The following USH2A variants were observed in gnomAD, a reference collection of about 807,000 sequenced individuals.
The protein encoded by USH2A is usherin.
USH2A carries 443 observed loss-of-function variants against 538.9 expected under a neutral mutation model. The ratio of observed to expected loss-of-function variants is 0.82; its 90% CI spans 0.76 to 0.89. USH2A has a LOEUF of 0.89. Among genes scored for constraint, USH2A ranks in the 40% least tolerant of loss-of-function variants. USH2A has a pLI of 0.00. For synonymous variants in USH2A, 2,413 were observed against 2,273.5 expected, an observed-to-expected ratio of 1.06 and a Z score of -1.75; for missense variants, 6,633 against 6,324.8, an observed-to-expected ratio of 1.05 and a Z score of -1.65.
At chr1:216,152,057 C>A (rs1313597663) in intron 21 of USH2A, among the ~76,000 whole-genome samples, 2 of 152,144 alleles carry the variant, frequency 1.3e-5, no homozygotes, top group Non-Finnish European at 2.9e-5. Context: ...TAATCTCTCC[C>A]ACTCTAGGTT....
intron 50 of USH2A, among the ~76,000 whole-genome samples, chr1:215,792,199 T>C (rs951432811): frequency 2.6e-5 from 4 of 152,166 alleles, no homozygotes; most frequent in Non-Finnish European, 1.5e-5. Context: ...AAACTCCTAA[T>C]CAGTCATCTG....
At chr1:215,785,596 A>T (rs1558097024) in intron 52 of USH2A, among the ~76,000 whole-genome samples, 1 of 152,234 alleles carries the variant, frequency 6.6e-6, no homozygotes, top group Non-Finnish European at 1.5e-5. Context: ...CCAACATGGC[A>T]CATGTATACA....
chr1:216,155,167 C>T (rs542050078), intron 21 of USH2A, among the ~76,000 whole-genome samples: 11 of 152,238 alleles, frequency 7.2e-5, no homozygotes, highest in African/African-American at 2.4e-4. Context: ...CATAGTTTAA[C>T]TTGAAAGCAA....
intron 44 of USH2A, among the ~76,000 whole-genome samples, chr1:215,859,919 G>A (rs1028118756): frequency 2.0e-5 from 3 of 152,178 alleles, no homozygotes; most frequent in African/African-American, 7.2e-5. Context: ...TGGAAGATGA[G>A]GCCTAGTTGG....
chr1:216,403,620 A>G (rs919485397), intron 3 of USH2A, among the ~76,000 whole-genome samples: 1 of 152,184 alleles, frequency 6.6e-6, no homozygotes, highest in Non-Finnish European at 1.5e-5. Context: ...ATTGCTATAT[A>G]CCAACAATAA....
intron 46 of USH2A, among the ~76,000 whole-genome samples, chr1:215,841,642 T>C (rs1663677610): frequency 6.6e-6 from 1 of 152,038 alleles, no homozygotes; most frequent in Non-Finnish European, 1.5e-5. Flanking sequence ...CAGGCAAACA[T>C]TTCATGACAA....
intron 43 of USH2A, among the ~76,000 whole-genome samples, chr1:215,872,523 C>T (rs1664649811): frequency 6.6e-6 from 1 of 152,024 alleles, no homozygotes; most frequent in South Asian, 2.1e-4. Context: ...TTTGTCATCA[C>T]CATGAGAAAG....
intron 11 of USH2A, among the ~76,000 whole-genome samples, chr1:216,278,904 T>A (rs2036720125): frequency 6.6e-6 from 1 of 152,146 alleles, no homozygotes; most frequent in Non-Finnish European, 1.5e-5. Context: ...CTGTTCAAAT[T>A]TTAAATGTAT....
rs997528585 is a variant in USH2A at position 215,799,056 on chromosome 1, C to G, written c.9809G>C (p.Arg3270Thr). The change falls in exon 50 of 72, where the codon AGA (arginine) becomes ACA (threonine). Residue 3270 changes from arginine (R) to threonine (T), a missense_variant. Arg to Thr is a moderately conservative substitution (Grantham distance 71). Transcript: ENST00000307340. The stretch of plus-strand genomic sequence containing the variant: ...GTTTCCTGAGGTGGAGTACGGCATT[C>G]TGCCACAGCAGGAATCACCAATGCC... ...SVGIGDSCCG[R>T]MPYSTSGNQI... The G allele has an allele frequency of 6.2e-7, 1 of 1,613,974 alleles. No homozygotes were observed. Among genetic ancestry groups the G allele is most frequent in the Non-Finnish European group, 8.5e-7 (1 of 1,180,020 alleles).
At chr1:216,317,317 T>C (rs1161214379) in intron 9 of USH2A, among the ~76,000 whole-genome samples, 2 of 152,132 alleles carry the variant, frequency 1.3e-5, no homozygotes, top group African/African-American at 4.8e-5. Flanking sequence ...TTACGTATTC[T>C]CACTTACAAG....
chr1:216,054,219 C>A (rs1571920532), intron 30 of USH2A, among the ~76,000 whole-genome samples: 1 of 152,318 alleles, frequency 6.6e-6, no homozygotes, highest in African/African-American at 2.4e-5. Flanking sequence ...TATAGGAGAG[C>A]CTGACTCCCA....
chr1:216,230,894 T>A (rs563512463), intron 14 of USH2A, among the ~76,000 whole-genome samples: 3 of 149,794 alleles, frequency 2.0e-5, no homozygotes, highest in Admixed American at 6.6e-5. Context: ...TCTCTCTCTC[T>A]CTCTCACACA....
At chr1:216,232,463 C>T (rs1257844186) in intron 13 of USH2A, among the ~76,000 whole-genome samples, 1 of 152,146 alleles carries the variant, frequency 6.6e-6, no homozygotes, top group Non-Finnish European at 1.5e-5. Context: ...AGTTGCTTTG[C>T]CTAGAACACT....
intron 21 of USH2A, among the ~76,000 whole-genome samples, chr1:216,123,048 T>C (rs9660493): frequency 0.34 from 52,188 of 152,004 alleles, 9,914 homozygotes; most frequent in East Asian, 0.73. Context: ...CACACTGAGC[T>C]GAATATGTCA....
chr1:215,684,107 A>G (rs1005917910), intron 61 of USH2A, among the ~76,000 whole-genome samples: 3 of 152,164 alleles, frequency 2.0e-5, no homozygotes, highest in African/African-American at 7.2e-5. Context: ...TCCTTCTTTA[A>G]CTTTATATGC....
At chr1:216,058,288 G>A (rs543775731) in intron 30 of USH2A, among the ~76,000 whole-genome samples, 1 of 148,750 alleles carries the variant, frequency 6.7e-6, no homozygotes, top group South Asian at 2.1e-4. Flanking sequence ...GTGAAATAAT[G>A]AATTAAAAAT....
intron 58 of USH2A, among the ~76,000 whole-genome samples, chr1:215,753,622 G>A (rs1660690121): frequency 6.6e-6 from 1 of 152,048 alleles, no homozygotes; most frequent in African/African-American, 2.4e-5. Flanking sequence ...GAGAACACAT[G>A]GACACAGGAA....
intron 9 of USH2A, among the ~76,000 whole-genome samples, chr1:216,312,735 C>T (rs192935757): frequency 9.9e-4 from 150 of 152,186 alleles, no homozygotes; most frequent in Non-Finnish European, 1.9e-3. Flanking sequence ...TCATCAGAGC[C>T]GCTTTAAGTT....
intron 52 of USH2A, 35 bp downstream of exon 52, chr1:215,786,635 A>C (rs368388737): frequency 5.0e-6 from 8 of 1,612,092 alleles, no homozygotes; most frequent in African/African-American, 4.0e-5. Flanking sequence ...CACTAACCCC[A>C]TTAAGCCATG....
Sources: allele counts gnomAD v4.1 joint callset (sites outside exome capture counted in the v4.1 genomes callset), GRCh38; gene constraint gnomAD v4.1.1; transcripts MANE v1.5; gene names NCBI Gene and HGNC (gene_info 2026-07-23, HGNC 2026-07-21).